Variants in HPCAL1 observed in about 807,000 individuals in gnomAD.
HPCAL1 encodes the protein hippocalcin-like protein 1.
HPCAL1 carries 8 observed loss-of-function variants against 17.1 expected under a neutral mutation model. The observed-to-expected ratio is 0.47, with a 90% CI of 0.27 to 0.84. HPCAL1 has a LOEUF of 0.84. Ranked by LOEUF, HPCAL1 falls within the 40% of genes least tolerant of loss-of-function variation. The pLI, the probability that HPCAL1 is intolerant of heterozygous loss-of-function variation, is 0.13. For synonymous variants in HPCAL1, 112 were observed against 111.4 expected (o/e 1.01, Z -0.03); for missense variants, 165 against 271.1 (o/e 0.61, Z 2.75).
intron 2 of HPCAL1, among the ~76,000 whole-genome samples, chr2:10,413,628 C>T (rs892593174): frequency 5.9e-5 from 9 of 152,356 alleles, no homozygotes; most frequent in East Asian, 5.8e-4. Context: ...TGATGCACTC[C>T]GCCTGTTACC....
At chr2:10,413,037 T>G (rs999870657) in intron 2 of HPCAL1, among the ~76,000 whole-genome samples, 10 of 152,250 alleles carry the variant, frequency 6.6e-5, no homozygotes, top group Non-Finnish European at 1.0e-4. Context: ...CTGCTAGACC[T>G]GGAACCTTAG....
intron 2 of HPCAL1, among the ~76,000 whole-genome samples, chr2:10,405,180 G>A (rs557722997): frequency 2.0e-4 from 30 of 152,360 alleles, no homozygotes; most frequent in African/African-American, 7.0e-4. Context: ...GGCTGGAGAC[G>A]GGGCAGGCTG....
chr2:10,391,317 G>C (rs1668683507), intron 1 of HPCAL1, among the ~76,000 whole-genome samples: 2 of 151,806 alleles, frequency 1.3e-5, no homozygotes, highest in African/African-American at 2.4e-5. Flanking sequence ...ATGTCCCCTG[G>C]AAGCTCTACA....
intron 1 of HPCAL1, among the ~76,000 whole-genome samples, chr2:10,386,411 TC>T (rs1558506946): frequency 6.6e-6 from 1 of 152,146 alleles, no homozygotes. Flanking sequence ...ACTGAGTGGG[TC>T]TGTGGAATCA....
chr2:10,340,327 G>A (rs551042245), intron 1 of HPCAL1, among the ~76,000 whole-genome samples: 22 of 152,344 alleles, frequency 1.4e-4, no homozygotes, highest in African/African-American at 5.1e-4. Flanking sequence ...TGTCTAGGCT[G>A]CTTTCTAACC....
At position 10,427,265 on chromosome 2, in the gene HPCAL1, C is replaced by T. The variant is rs576628316; in HGVS notation, c.*444C>T. On this transcript the variant is annotated 3_prime_UTR_variant, in exon 5 of 5. Coordinates refer to ENST00000307845, the MANE Select transcript of HPCAL1 (RefSeq NM_002149.4). ...CCCCTCCCGTGCATGGCTGCCCCCC[C>T]GTTCATTTTCTCCACCACAGCCGCT... The T allele has an allele frequency of 2.3e-5, 4 of 172,362 alleles. No individual in the cohort carries two copies. The highest frequency in any genetic ancestry group is 1.8e-4 in the Admixed American group (3 of 16,930). The allele number at this position is 172,362 out of a possible 1,614,324, so 10.7% of individuals were successfully genotyped here.
rs368758415 is a variant in HPCAL1, at chr2:10,392,814, G to A, written c.-110-4021G>A. ...TCCCTCTGCCATTCTCCAGAGACTC[G>A]GAGAGGGGCCTAAGGCCTGACATGA... On this transcript the variant is annotated intron_variant, in intron 1 of 4. Transcript: ENST00000307845. Among the ~76,000 whole-genome samples the A allele has an allele frequency of 6.6e-5, 10 of 152,306 alleles. No homozygotes were observed. In the East Asian group the frequency reaches 1.5e-3, roughly 24 times the overall value.
chr2:10,368,455 C>T (rs1368720014), intron 1 of HPCAL1, among the ~76,000 whole-genome samples: 1 of 152,176 alleles, frequency 6.6e-6, no homozygotes, highest in Admixed American at 6.6e-5. Context: ...TCCCACCTCT[C>T]TGTTCCCCCA....
chr2:10,358,895 A>G (rs1052711973), intron 1 of HPCAL1, among the ~76,000 whole-genome samples: 3 of 152,144 alleles, frequency 2.0e-5, no homozygotes, highest in Non-Finnish European at 2.9e-5. Flanking sequence ...AATTGAGCTG[A>G]CTAACACAAG....
rs1667650167 is a variant in HPCAL1 at position 10,377,550 on chromosome 2, T to A, written c.-110-19285T>A. The stretch of plus-strand genomic sequence containing the variant: ...TCTGCCCGCACACACTCTTCCACCC[T>A]CTGTCGGCAGGGCCCCTGCCACCTC... On this transcript the variant is annotated intron_variant, in intron 1 of 4. Transcript: ENST00000307845. This position sits in a 1 kb window ranked among gnomAD's most constrained non-coding sequence, Gnocchi z 5.9. Among the ~76,000 whole-genome samples the A allele has an allele frequency of 2.0e-5, 3 of 151,850 alleles. No individual in the cohort carries two copies. The highest frequency in any genetic ancestry group is 7.2e-5 in the African/African-American group (3 of 41,382).
intron 1 of HPCAL1, among the ~76,000 whole-genome samples, chr2:10,392,551 T>C (rs1668769616): frequency 2.6e-5 from 4 of 152,252 alleles, no homozygotes; most frequent in Admixed American, 2.6e-4. Context: ...TCAGTCATAG[T>C]TGACATTTAT....
chr2:10,397,918 C>T (rs1669162935), intron 2 of HPCAL1, among the ~76,000 whole-genome samples: 1 of 152,234 alleles, frequency 6.6e-6, no homozygotes. Flanking sequence ...CAATCTCGTG[C>T]ATATTAAGGT....
intron 1 of HPCAL1, among the ~76,000 whole-genome samples, chr2:10,369,844 T>G (rs1200725715): frequency 2.0e-5 from 3 of 152,222 alleles, no homozygotes. Flanking sequence ...CTTGTAATTT[T>G]GAAAAAGGAA....
At chr2:10,364,573 A>G (rs1666728391) in intron 1 of HPCAL1, among the ~76,000 whole-genome samples, 1 of 149,016 alleles carries the variant, frequency 6.7e-6, no homozygotes, top group South Asian at 2.1e-4. Context: ...CTCCTCTCCT[A>G]AGCTCCCGCC....
intron 1 of HPCAL1, among the ~76,000 whole-genome samples, chr2:10,337,445 T>C (rs1381615203): frequency 1.3e-5 from 2 of 152,162 alleles, no homozygotes. Flanking sequence ...AGAAGAACAA[T>C]ATTATTAGGT....
At chr2:10,309,607 C>T (rs991905476) in intron 1 of HPCAL1, among the ~76,000 whole-genome samples, 1 of 152,150 alleles carries the variant, frequency 6.6e-6, no homozygotes, top group Non-Finnish European at 1.5e-5. Flanking sequence ...GCCCCAGTAC[C>T]TACCTAGTCC....
intron 1 of HPCAL1, among the ~76,000 whole-genome samples, chr2:10,319,255 T>C (rs1193783578): frequency 6.6e-6 from 1 of 152,174 alleles, no homozygotes; most frequent in Non-Finnish European, 1.5e-5. Context: ...TCAACCTGTA[T>C]TTTTCATTTT....
At chr2:10,417,483 T>G (rs1670749666) in intron 2 of HPCAL1, among the ~76,000 whole-genome samples, 1 of 152,198 alleles carries the variant, frequency 6.6e-6, no homozygotes, top group African/African-American at 2.4e-5. Flanking sequence ...CAAGCACGTA[T>G]GTTTGTCTTC....
chr2:10,379,464 C>T (rs1461768264), intron 1 of HPCAL1, among the ~76,000 whole-genome samples: 1 of 151,858 alleles, frequency 6.6e-6, no homozygotes, highest in Middle Eastern at 3.4e-3. Context: ...GGGCTATGAG[C>T]AGGAGCTATG....
Sources: gnomAD v4.1 joint callset for allele counts (sites outside exome capture counted in the v4.1 genomes callset) on GRCh38, gnomAD v4.1.1 for gene constraint, Gnocchi (gnomAD v3.1) non-coding constraint, MANE v1.5 for transcripts, NCBI Gene and HGNC (gene_info 2026-07-23, HGNC 2026-07-21) for gene names.